The following IBTK variants were observed in gnomAD, a reference collection of about 807,000 sequenced individuals.
The protein encoded by IBTK is inhibitor of Bruton tyrosine kinase.
IBTK carries 83 observed loss-of-function variants against 154.9 expected under a neutral mutation model. The observed-to-expected ratio is 0.54, with a 90% CI of 0.45 to 0.64. The LOEUF (loss-of-function observed/expected upper bound fraction) is 0.64, where lower values mean the gene tolerates loss of function less well. Ranked by LOEUF, IBTK falls within the 30% of genes least tolerant of loss-of-function variation. IBTK has a pLI of 0.00. For synonymous variants in IBTK, 515 were observed against 536.1 expected, an observed-to-expected ratio of 0.96 and a Z score of 0.54; for missense variants, 1,332 against 1,584.6, an observed-to-expected ratio of 0.84 and a Z score of 2.71.
chr6:82,195,247 A>G (rs948436856), intron 22 of IBTK, among the ~76,000 whole-genome samples: 1 of 152,080 alleles, frequency 6.6e-6, no homozygotes, highest in Admixed American at 6.5e-5. Flanking sequence ...GTGTGAATAT[A>G]AATTGCCCCC....
At chr6:82,195,992 T>G (rs989993511) in intron 22 of IBTK, among the ~76,000 whole-genome samples, 4 of 152,232 alleles carry the variant, frequency 2.6e-5, no homozygotes, top group African/African-American at 9.6e-5. Flanking sequence ...ACAAGATAAA[T>G]TTCAATAATT....
At chr6:82,246,051 TGAG>T (rs1316742585) in intron 1 of IBTK, among the ~76,000 whole-genome samples, 3 of 152,194 alleles carry the variant, frequency 2.0e-5, no homozygotes, top group East Asian at 1.9e-4. Flanking sequence ...CATTTTCTGA[TGAG>T]GAGATTCATG....
chr6:82,172,660 A>G, intron 27 of IBTK, 148 bp from the exon 28 acceptor site: 1 of 633,850 alleles, frequency 1.6e-6, no homozygotes, highest in East Asian at 3.0e-5. Context: ...TTACAGAATG[A>G]TGAGTTTCAC....
At chr6:82,247,283 C>G (rs1393293863) in intron 1 of IBTK, among the ~76,000 whole-genome samples, 1 of 152,256 alleles carries the variant, frequency 6.6e-6, no homozygotes. Flanking sequence ...AATGCAATGT[C>G]GCTGGAGGGC....
At chr6:82,231,041 T>C (rs903744698) in intron 4 of IBTK, among the ~76,000 whole-genome samples, 2 of 152,200 alleles carry the variant, frequency 1.3e-5, no homozygotes, top group Non-Finnish European at 2.9e-5. Context: ...TTCTATCTAC[T>C]ATCCAAACTG....
intron 1 of IBTK, among the ~76,000 whole-genome samples, chr6:82,243,902 A>G (rs1364437900): frequency 6.6e-6 from 1 of 152,142 alleles, no homozygotes; most frequent in African/African-American, 2.4e-5. Context: ...TAAAGGGGGG[A>G]AAAAAGAATG....
At chr6:82,200,753 G>GT (rs138809525) in intron 19 of IBTK, 45 bp from the exon 20 acceptor site, 19,061 of 391,694 alleles carry the variant, frequency 0.049, 155 homozygotes, top group South Asian at 0.085. Context: ...AATCTGTGAA[G>GT]TTTTTTTTTT....
At chr6:82,219,110 ATTCT>A (rs1769977290) in intron 9 of IBTK, among the ~76,000 whole-genome samples, 2 of 152,018 alleles carry the variant, frequency 1.3e-5, no homozygotes, top group South Asian at 4.2e-4. Context: ...TGGAGCTCTA[ATTCT>A]TTTTTTTTTT....
chr6:82,171,414 T>C lies in IBTK; in HGVS notation c.*11A>G. 1 of 1,606,358 alleles carries C rather than the reference T, an allele frequency of 6.2e-7. No homozygotes were observed. The highest frequency in any genetic ancestry group is 8.5e-7 in the Non-Finnish European group (1 of 1,177,274). Reference sequence around the variant, plus strand: ...ATAATTATGTAAAATGCATCTCAACTCCACAGTGAACTAGCATCCATGCTT... The same window carrying C: ...ATAATTATGTAAAATGCATCTCAACCCCACAGTGAACTAGCATCCATGCTT... On this transcript the variant is annotated 3_prime_UTR_variant, in exon 29 of 29. Transcript: ENST00000306270.
At position 82,220,677 on chromosome 6, in the gene IBTK, AC is replaced by A; in HGVS notation, c.1160del (p.Gly387ValfsTer12). ...CAGGATCAACCTTGTATTCCATATG[AC>A]CCCCAGACACAAGAACTTTTTTCAA... Reference protein sequence around the residue: ...LNLKKVLVSGGHMEYKVDPEH... With the variant: ...LNLKKVLVSGXHMEYKVDPEH... On this transcript the variant is annotated frameshift_variant, in exon 9 of 29. Coordinates refer to ENST00000306270, the MANE Select transcript of IBTK (RefSeq NM_015525.4). LOFTEE classifies it high-confidence loss of function. 1 of 1,601,778 alleles carries A rather than the reference AC, an allele frequency of 6.2e-7. No individual in the cohort carries two copies. Among genetic ancestry groups the A allele is most frequent in the Non-Finnish European group, 8.5e-7 (1 of 1,176,298 alleles).
In IBTK at chr6:82,224,171, A is replaced by G; in HGVS notation, c.840T>C (p.Tyr280=). 1 of 1,613,452 alleles carries G rather than the reference A, an allele frequency of 6.2e-7. No homozygotes were observed. The highest frequency in any genetic ancestry group is 8.5e-7 in the Non-Finnish European group (1 of 1,179,408). Residue 280 remains tyrosine (Y), a synonymous_variant, in exon 7 of 29, where the codon TAT becomes TAC. Transcript: ENST00000306270. ...CNVPRQIQAK[Y]LKGRTIIGVA... is the part of the protein sequence containing the mutation. The stretch of plus-strand genomic sequence containing the variant: ...CGCCAATGATTGTCCTTCCTTTCAG[A>G]TATTTTGCCTGTATCTATTTAAAGA...
At chr6:82,242,426 C>A (rs1340583413) in intron 1 of IBTK, among the ~76,000 whole-genome samples, 1 of 151,730 alleles carries the variant, frequency 6.6e-6, no homozygotes, top group African/African-American at 2.4e-5. Flanking sequence ...CAAACCTATA[C>A]CCCCTAAAAC....
intron 26 of IBTK, among the ~76,000 whole-genome samples, chr6:82,179,486 G>A (rs1220205585): frequency 1.3e-5 from 2 of 152,198 alleles, no homozygotes; most frequent in African/African-American, 4.8e-5. Flanking sequence ...TGAGACTTTA[G>A]TACATGTCTG....
chr6:82,206,576 G>A (rs560170771), intron 16 of IBTK, among the ~76,000 whole-genome samples: 2 of 152,238 alleles, frequency 1.3e-5, no homozygotes, highest in Non-Finnish European at 2.9e-5. Context: ...AGTAGAAGAT[G>A]AAGAACACTT....
chr6:82,175,081 G>A (rs1768061998), intron 26 of IBTK: 28 of 452,172 alleles, frequency 6.2e-5, no homozygotes, highest in South Asian at 4.4e-4. Flanking sequence ...TAGTCTCTTG[G>A]GGAACAGGAC....
Position 82,247,738 on chromosome 6 carries a change from C to A in IBTK, c.-534G>T. On this transcript the variant is annotated 5_prime_UTR_variant, in exon 1 of 29. Transcript: ENST00000306270. ...CAGCCGCTACTACAGGAATCGGGAA[C>A]GGGGATGTAGAGGAAGGGCCCGAGC... 2.5e-6 allele frequency: 1 copy of A among 397,670 alleles called. No individual in the cohort carries two copies. Among genetic ancestry groups the A allele is most frequent in the Non-Finnish European group, 4.4e-6 (1 of 225,710 alleles). The allele number at this position is 397,670 out of a possible 1,614,324, so 24.6% of individuals were successfully genotyped here.
chr6:82,231,043 T>C (rs1770484378), intron 4 of IBTK, among the ~76,000 whole-genome samples: 1 of 152,164 alleles, frequency 6.6e-6, no homozygotes, highest in African/African-American at 2.4e-5. Flanking sequence ...CTATCTACTA[T>C]CCAAACTGAG....
At chr6:82,238,100 C>T (rs940531405) in intron 2 of IBTK, among the ~76,000 whole-genome samples, 3 of 151,812 alleles carry the variant, frequency 2.0e-5, no homozygotes, top group South Asian at 2.1e-4. Flanking sequence ...AAAAATAAGC[C>T]GGGCACGGTG....
Position 82,172,769 on chromosome 6 carries a change from T to G in IBTK, c.3798-257A>C, listed in dbSNP as rs1767973970. 8.4e-6 allele frequency: 3 copies of G among 357,402 alleles called. No homozygotes were observed. The Admixed American group carries it at 1.3e-4, about 16-fold the overall frequency. The allele number at this position is 357,402 out of a possible 1,614,324, so 22.1% of individuals were successfully genotyped here. On this transcript the variant is annotated intron_variant, in intron 27 of 28. Coordinates refer to ENST00000306270, the MANE Select transcript of IBTK (RefSeq NM_015525.4). ...ACCTACGATGAGCGAACCTGGAAGC[T>G]TTCGCAGAGATTACAGAATGATGAG... is the stretch of plus-strand genomic sequence containing the variant.
Sources: gnomAD v4.1 joint callset for allele counts (sites outside exome capture counted in the v4.1 genomes callset) on GRCh38, gnomAD v4.1.1 for gene constraint, MANE v1.5 for transcripts, NCBI Gene and HGNC (gene_info 2026-07-23, HGNC 2026-07-21) for gene names.